Variants in FANCI observed in about 807,000 individuals in gnomAD.
The protein encoded by FANCI is FA complementation group I, also known as Fanconi anemia group I protein.
In FANCI, 156 loss-of-function variants were observed where a neutral mutation model predicts 176.1. The observed-to-expected ratio is 0.89, with a 90% CI of 0.78 to 1.01. The LOEUF (loss-of-function observed/expected upper bound fraction) is 1.01, where lower values mean the gene tolerates loss of function less well. Among genes scored for constraint, FANCI ranks in the 50% least tolerant of loss-of-function variants. The pLI is 0.00. For missense variants in FANCI, 1,678 were observed against 1,534.1 expected (o/e 1.09, Z -1.57); for synonymous variants, 613 against 541.7 (o/e 1.13, Z -1.83).
intron 16 of FANCI, chr15:89,282,149 G>C (rs947872285): frequency 2.7e-6 from 1 of 377,064 alleles, no homozygotes; most frequent in Non-Finnish European, 5.1e-6. Flanking sequence ...TCAAAGTCAG[G>C]TCTAACATCA....
intron 23 of FANCI, 38 bp from the exon 24 acceptor site, chr15:89,294,877 A>G (rs1220720570): frequency 1.3e-6 from 2 of 1,543,236 alleles, no homozygotes. Context: ...CAGTAAGGGA[A>G]TCTTCCTTTT....
intron 34 of FANCI, among the ~76,000 whole-genome samples, chr15:89,309,917 ATTTTAT>A (rs983380172): frequency 3.9e-5 from 6 of 152,216 alleles, no homozygotes; most frequent in African/African-American, 1.2e-4. Context: ...TTGTCTAATA[ATTTTAT>A]TAGAACAGGT....
At chr15:89,273,326 A>AAT in intron 10 of FANCI, 51 bp from the exon 11 acceptor site, 1 of 857,800 alleles carries the variant, frequency 1.2e-6, no homozygotes, top group Non-Finnish European at 1.9e-6. Context: ...AAAAAAAAAA[A>AAT]GAAAAAAGAA....
At chr15:89,296,300 A>G (rs181378670) in intron 24 of FANCI, among the ~76,000 whole-genome samples, 2 of 143,878 alleles carry the variant, frequency 1.4e-5, no homozygotes, top group Admixed American at 1.4e-4. Flanking sequence ...TAGAGATAGG[A>G]TTTCACCATA....
chr15:89,267,850 C>A (rs533743202), intron 9 of FANCI, among the ~76,000 whole-genome samples: 1 of 152,148 alleles, frequency 6.6e-6, no homozygotes, highest in Non-Finnish European at 1.5e-5. Context: ...TCGTTTGAGC[C>A]TGGGAGGTTG....
At chr15:89,315,419 C>CTAGGAAGAGTGGCTGGG in intron 37 of FANCI, 30 bp downstream of exon 37, 1 of 1,462,248 alleles carries the variant, frequency 6.8e-7, no homozygotes, top group Non-Finnish European at 9.6e-7. Context: ...TGGAGCCCAG[C>CTAGGAAGAGTGGCTGGG]CACTCTTCCT....
chr15:89,316,197 C>T (rs1055898312), intron 37 of FANCI, 200 bp from the exon 38 acceptor site: 13 of 610,786 alleles, frequency 2.1e-5, no homozygotes, highest in Non-Finnish European at 2.9e-5. Context: ...AAGGAGGTGC[C>T]ACTGTCTTAT....
chr15:89,312,789 A>G (rs1469240460), intron 34 of FANCI, 115 bp from the exon 35 acceptor site: 1 of 794,954 alleles, frequency 1.3e-6, no homozygotes, highest in African/African-American at 1.8e-5. Context: ...ACTGCACACC[A>G]GCCTGGGTGA....
chr15:89,287,048 A>T (rs1393419116), intron 18 of FANCI, among the ~76,000 whole-genome samples: 1 of 138,214 alleles, frequency 7.2e-6, no homozygotes, highest in Non-Finnish European at 1.5e-5. Context: ...ATCTCGGCTC[A>T]CTGCAACCTC....
chr15:89,294,451 G>A (rs1018023026), intron 23 of FANCI, among the ~76,000 whole-genome samples: 1 of 152,098 alleles, frequency 6.6e-6, no homozygotes, highest in Non-Finnish European at 1.5e-5. Flanking sequence ...CGGGCATGGT[G>A]GTGCGCACCT....
At chr15:89,306,261 G>T (rs977004935) in intron 32 of FANCI, 67 bp downstream of exon 32, 1 of 1,500,864 alleles carries the variant, frequency 6.7e-7, no homozygotes, top group Non-Finnish European at 9.2e-7. Flanking sequence ...ATGAGGATGG[G>T]GCAGCAGCCC....
At chr15:89,312,816 T>TAAAAA (rs11321073) in intron 34 of FANCI, 88 bp from the exon 35 acceptor site, 18 of 864,580 alleles carry the variant, frequency 2.1e-5, no homozygotes, top group Admixed American at 1.1e-4. Context: ...AGCTCTGTCT[T>TAAAAA]AAAAAAAAAA....
chr15:89,314,521 A>G, intron 35 of FANCI, 91 bp from the exon 36 acceptor site: 4 of 947,754 alleles, frequency 4.2e-6, no homozygotes, highest in Admixed American at 3.5e-5. Context: ...GTTTTCCCCT[A>G]AAGCCATACA....
intron 32 of FANCI, 26 bp downstream of exon 32, chr15:89,306,220 G>T (rs371080029): frequency 6.2e-7 from 1 of 1,611,432 alleles, no homozygotes; most frequent in Admixed American, 1.7e-5. Context: ...AAGCAGATTC[G>T]CCCCACCATT....
chr15:89,290,436 T>A (rs1203152001), intron 19 of FANCI, 155 bp downstream of exon 19: 1 of 662,344 alleles, frequency 1.5e-6, no homozygotes, highest in African/African-American at 1.8e-5. Context: ...TTCTGGGTTG[T>A]CTTATCTCGG....
chr15:89,275,718 A>T (rs938546823), intron 12 of FANCI, among the ~76,000 whole-genome samples: 4 of 152,214 alleles, frequency 2.6e-5, no homozygotes, highest in African/African-American at 9.6e-5. Flanking sequence ...CTAAAGAAGG[A>T]GGTACTCACT....
rs569721901 is a variant in FANCI, at chr15:89,262,316, G to C, written c.503+438G>C. Among the ~76,000 whole-genome samples, 5 of 151,426 alleles carry C rather than the reference G, an allele frequency of 3.3e-5. No homozygotes were observed. The South Asian group carries it at 1.0e-3, about 32-fold the overall frequency. ...TCCTTTAACCAGTAATTGTATTTCTGGGAATCTACATTAAAGAATGACTGC... is the reference window on the plus strand; with the variant it reads ...TCCTTTAACCAGTAATTGTATTTCTCGGAATCTACATTAAAGAATGACTGC... On this transcript the variant is annotated intron_variant, in intron 6 of 37. Coordinates refer to ENST00000310775, the MANE Select transcript of FANCI (RefSeq NM_001113378.2).
chr15:89,270,841 A>G lies in FANCI; in HGVS notation c.882+2316A>G, dbSNP rs193138672. Reference sequence around the variant, plus strand: ...TGGCATGATATGCCCAAGGCTCACCATAGTACTTTCTTTGCCCCATCCTGA... The same window carrying G: ...TGGCATGATATGCCCAAGGCTCACCGTAGTACTTTCTTTGCCCCATCCTGA... On this transcript the variant is annotated intron_variant, in intron 10 of 37. Transcript: ENST00000310775. Among the ~76,000 whole-genome samples the G allele has an allele frequency of 1.6e-4, 24 of 152,290 alleles. No individual in the cohort carries two copies. In the East Asian group the frequency reaches 4.4e-3, roughly 28 times the overall value.
At chr15:89,246,832 C>T (rs1242960228) in intron 1 of FANCI, among the ~76,000 whole-genome samples, 1 of 133,420 alleles carries the variant, frequency 7.5e-6, no homozygotes, top group Non-Finnish European at 1.5e-5. Context: ...GTGGCGTGAT[C>T]TCCGCTCACT....
Sources: gnomAD v4.1 joint callset for allele counts (sites outside exome capture counted in the v4.1 genomes callset) on GRCh38, gnomAD v4.1.1 for gene constraint, MANE v1.5 for transcripts, NCBI Gene and HGNC (gene_info 2026-07-23, HGNC 2026-07-21) for gene names.